The following ATP10B variants were observed in gnomAD, a reference collection of about 807,000 sequenced individuals.
ATP10B encodes ATPase phospholipid transporting 10B (putative).
A neutral mutation model predicts 141.2 loss-of-function variants in ATP10B; 122 were observed. The observed-to-expected ratio is 0.86, with a 90% CI of 0.75 to 1.00. ATP10B has a LOEUF of 1.00. Ranked by LOEUF, ATP10B falls within the 50% of genes least tolerant of loss-of-function variation. ATP10B has a pLI of 0.00. For synonymous variants in ATP10B, 685 were observed against 692.0 expected (o/e 0.99, Z 0.16); for missense variants, 1,876 against 1,825.3 (o/e 1.03, Z -0.51).
At chr5:160,685,266 CT>C in intron 6 of ATP10B, 1 of 570,870 alleles carries the variant, frequency 1.8e-6, no homozygotes, top group East Asian at 2.9e-5. Flanking sequence ...TAATTTTCAT[CT>C]TTTACTTGCC....
chr5:160,624,995 C>T (rs1758539413), intron 13 of ATP10B, among the ~76,000 whole-genome samples: 1 of 152,190 alleles, frequency 6.6e-6, no homozygotes, highest in African/African-American at 2.4e-5. Flanking sequence ...AGAGTAATGA[C>T]AGCTCGTATT....
At chr5:160,623,103 T>A (rs571367143) in intron 13 of ATP10B, among the ~76,000 whole-genome samples, 6 of 152,354 alleles carry the variant, frequency 3.9e-5, no homozygotes, top group Admixed American at 2.6e-4. Context: ...ACATGGACCC[T>A]CAGCTCAGCC....
intron 1 of ATP10B, among the ~76,000 whole-genome samples, chr5:160,798,922 T>G (rs1772157525): frequency 6.6e-6 from 1 of 151,980 alleles, no homozygotes; most frequent in Non-Finnish European, 1.5e-5. Context: ...CAGCTAATTT[T>G]TGTACTTTTA....
In ATP10B at chr5:160,636,224, A is replaced by C; in HGVS notation, c.1086T>G (p.Leu362=). The change falls in exon 11 of 26, where the codon CTT becomes CTG. Residue 362 remains leucine, a synonymous_variant. Transcript: ENST00000327245. ...TTGTGAGGAACATGTAGAAGCCCCCAAGGGCACTGGGAAGGAAGCTGCCAT... is the reference window on the plus strand; with the variant it reads ...TTGTGAGGAACATGTAGAAGCCCCCCAGGGCACTGGGAAGGAAGCTGCCAT... ...DANGSFLPSA[L]GGFYMFLTMI... 6.2e-7 allele frequency: 1 copy of C among 1,613,596 alleles called. No homozygotes were observed. The highest frequency in any genetic ancestry group is 8.5e-7 in the Non-Finnish European group (1 of 1,179,730).
rs1469084684 is a variant in ATP10B at position 160,620,526 on chromosome 5, A to C, written c.2237T>G (p.Val746Gly). The C allele has an allele frequency of 1.9e-6, 3 of 1,614,186 alleles. No individual in the cohort carries two copies. Among genetic ancestry groups the C allele is most frequent in the Admixed American group, 3.3e-5 (2 of 60,026 alleles). The change falls in exon 15 of 26, where the codon GTG (valine) becomes GGG (glycine). Residue 746 changes from valine to glycine, a missense_variant. Coordinates refer to ENST00000327245, the MANE Select transcript of ATP10B (RefSeq NM_025153.3). Reference protein sequence around the residue: ...FTLVSRTPEQVTVRLPQGTCL... With the variant: ...FTLVSRTPEQGTVRLPQGTCL... ...GGTGCCCTGGGGCAGGCGCACAGTC[A>C]CCTGCTCAGGTGTCCGGGACACTAG...
At chr5:160,686,000 A>G (rs777014782) in intron 6 of ATP10B, 79 bp downstream of exon 6, 39 of 1,111,552 alleles carry the variant, frequency 3.5e-5, no homozygotes, top group Non-Finnish European at 4.4e-5. Context: ...AATCGAAGAA[A>G]AGAGACTCAT....
intron 3 of ATP10B, among the ~76,000 whole-genome samples, chr5:160,702,792 T>A (rs559678019): frequency 6.6e-6 from 1 of 152,156 alleles, no homozygotes; most frequent in Non-Finnish European, 1.5e-5. Flanking sequence ...AAGATACTTG[T>A]AACAGGATGC....
At chr5:160,823,666 C>T (rs1292699561) in intron 1 of ATP10B, among the ~76,000 whole-genome samples, 2 of 152,096 alleles carry the variant, frequency 1.3e-5, no homozygotes, top group Non-Finnish European at 2.9e-5. Context: ...ACCATCCTGG[C>T]TACTAAAGAT....
At chr5:160,803,549 GCCTGTAA>G (rs1217844858) in intron 1 of ATP10B, among the ~76,000 whole-genome samples, 1 of 152,046 alleles carries the variant, frequency 6.6e-6, no homozygotes, top group Non-Finnish European at 1.5e-5. Flanking sequence ...GGTGGTGCAT[GCCTGTAA>G]TCCCAGCTTC....
chr5:160,643,355 T>C (rs1760017554), intron 9 of ATP10B, among the ~76,000 whole-genome samples: 1 of 152,194 alleles, frequency 6.6e-6, no homozygotes, highest in Non-Finnish European at 1.5e-5. Flanking sequence ...AAACACATTC[T>C]GGAGTTTTCC....
intron 2 of ATP10B, among the ~76,000 whole-genome samples, chr5:160,784,500 A>G (rs1470859100): frequency 6.6e-6 from 1 of 152,208 alleles, no homozygotes; most frequent in African/African-American, 2.4e-5. Flanking sequence ...ACAAATTAGA[A>G]AGTCAAATTA....
At chr5:160,847,653 T>C (rs1036883765) in intron 1 of ATP10B, among the ~76,000 whole-genome samples, 1 of 152,178 alleles carries the variant, frequency 6.6e-6, no homozygotes, top group Admixed American at 6.6e-5. Flanking sequence ...GCAACAAGAT[T>C]TGATTGAATT....
chr5:160,869,100 T>G, the ATP10B span, among the ~76,000 whole-genome samples: 1 of 152,236 alleles, frequency 6.6e-6, no homozygotes. Context: ...TAACAATGTC[T>G]ACTTTACATA....
chr5:160,892,400 G>A, the ATP10B span, among the ~76,000 whole-genome samples: 1 of 152,190 alleles, frequency 6.6e-6, no homozygotes, highest in African/African-American at 2.4e-5. Flanking sequence ...CCAGGCTTCT[G>A]TTTTCAAATT....
At chr5:160,914,621 C>A in the ATP10B span, among the ~76,000 whole-genome samples, 1 of 152,024 alleles carries the variant, frequency 6.6e-6, no homozygotes, top group Admixed American at 6.6e-5. Context: ...ATTTTAAATT[C>A]AAGCTTGGTT....
upstream of ATP10B, among the ~76,000 whole-genome samples, chr5:160,854,165 GTGT>G (rs1482486785): frequency 6.6e-6 from 1 of 152,082 alleles, no homozygotes; most frequent in Non-Finnish European, 1.5e-5. Flanking sequence ...AGCTGTGCAA[GTGT>G]TATTAGTGGT....
At chr5:160,726,311 C>G (rs1447799441) in intron 2 of ATP10B, among the ~76,000 whole-genome samples, 1 of 152,158 alleles carries the variant, frequency 6.6e-6, no homozygotes, top group East Asian at 1.9e-4. Context: ...GAAGCACAGA[C>G]AAGACTATTG....
the ATP10B span, among the ~76,000 whole-genome samples, chr5:160,863,040 G>A: frequency 6.6e-6 from 1 of 151,970 alleles, no homozygotes; most frequent in Non-Finnish European, 1.5e-5. Flanking sequence ...CTAAATATAT[G>A]AGATGATATT....
intron 13 of ATP10B, among the ~76,000 whole-genome samples, chr5:160,626,293 CT>C (rs1343865340): frequency 6.6e-6 from 1 of 152,182 alleles, no homozygotes; most frequent in African/African-American, 2.4e-5. Context: ...TACAAACCCC[CT>C]TTGAGGAAGC....
Sources: gnomAD v4.1 joint callset for allele counts (sites outside exome capture counted in the v4.1 genomes callset) on GRCh38, gnomAD v4.1.1 for gene constraint, MANE v1.5 for transcripts, NCBI Gene and HGNC (gene_info 2026-07-23, HGNC 2026-07-21) for gene names.